Variants in RNF31 observed in about 807,000 individuals in gnomAD.
RNF31 encodes the protein E3 ubiquitin-protein ligase RNF31.
RNF31 carries 38 observed loss-of-function variants against 133.6 expected under a neutral mutation model. That is an observed-to-expected ratio of 0.28 (90% CI 0.22 to 0.37). RNF31 has a LOEUF of 0.37. RNF31 is among the 10% of genes least tolerant of loss of function. The probability of loss-of-function intolerance (pLI) is 1.00; values close to 1 mark genes in which losing one functional copy is unlikely to be tolerated. For missense variants in RNF31, 1,118 were observed against 1,394.1 expected, an observed-to-expected ratio of 0.80 and a Z score of 3.15; for synonymous variants, 582 against 552.3, an observed-to-expected ratio of 1.05 and a Z score of -0.75.
intron 16 of RNF31, 118 bp downstream of exon 16, chr14:24,157,756 C>T: frequency 1.8e-6 from 2 of 1,099,344 alleles, no homozygotes; most frequent in Non-Finnish European, 1.4e-6. Context: ...ATGTAAAGCA[C>T]AACTCTCTGT....
Position 24,151,027 on chromosome 14 carries a change from T to A in RNF31, c.1489-104T>A. 1.3e-6 allele frequency: 2 copies of A among 1,550,182 alleles called. No homozygotes were observed. Among genetic ancestry groups the A allele is most frequent in the African/African-American group, 1.4e-5 (1 of 73,890 alleles). On this transcript the variant is annotated intron_variant, in intron 8 of 20. Transcript: ENST00000324103. The surrounding 1 kb of genome is among the most constrained non-coding windows in gnomAD (Gnocchi z 5.3). ...TGAGGCAGTTACCATTGCTGTACAC[T>A]GATGACATGATCCATATGTCTGAGC... is the stretch of plus-strand genomic sequence containing the variant.
intron 5 of RNF31, 43 bp downstream of exon 5, chr14:24,148,919 T>C: frequency 6.6e-7 from 1 of 1,523,026 alleles, no homozygotes. Flanking sequence ...GAAGCTATAT[T>C]GATGGAAATT....
At position 24,157,695 on chromosome 14, in the gene RNF31, G is replaced by C; in HGVS notation, c.2727+57G>C. The C allele has an allele frequency of 2.0e-6, 3 of 1,467,004 alleles. No homozygotes were observed. The South Asian group carries it at 3.4e-5, about 17-fold the overall frequency. 90.9% of individuals were successfully genotyped at this position (1,467,004 alleles called of 1,614,324 possible). On this transcript the variant is annotated intron_variant, in intron 16 of 20. Coordinates refer to ENST00000324103, the MANE Select transcript of RNF31 (RefSeq NM_017999.5). ...GGGTGGGGGGTGCCATTGGCTTTGA[G>C]AGTCAGAGGCTATTGAGGAGTGGCC...
At chr14:24,156,244 G>A (rs757233060) in intron 14 of RNF31, among the ~76,000 whole-genome samples, 27 of 152,164 alleles carry the variant, frequency 1.8e-4, no homozygotes, top group Admixed American at 5.9e-4. Flanking sequence ...TGAAGCAGGC[G>A]TCCGTCTGCC....
chr14:24,147,900 G>C lies in RNF31; in HGVS notation c.192+10G>C. ...CAACGCTCATGGGGAGGTGAGGCCC[G>C]GCCCCGCTTGGAAGGGGGACACCAG... On this transcript the variant is annotated intron_variant, in intron 1 of 20. Transcript: ENST00000324103. 1.9e-6 allele frequency: 3 copies of C among 1,612,070 alleles called. No homozygotes were observed. Among genetic ancestry groups the C allele is most frequent in the Non-Finnish European group, 2.5e-6 (3 of 1,179,368 alleles).
At chr14:24,154,323 A>G (rs1175573068) in intron 11 of RNF31, among the ~76,000 whole-genome samples, 4 of 151,838 alleles carry the variant, frequency 2.6e-5, no homozygotes, top group Admixed American at 2.6e-4. Context: ...ACACTTGGCT[A>G]ATTTTGTATT....
rs766855824 is a variant in RNF31 at position 24,155,701 on chromosome 14, C to T, written c.2493+9C>T. On this transcript the variant is annotated intron_variant, in intron 14 of 20. Coordinates refer to ENST00000324103, the MANE Select transcript of RNF31 (RefSeq NM_017999.5). This position sits in a 1 kb window ranked among gnomAD's most constrained non-coding sequence, Gnocchi z 4.9. ...TGCGCTGCAAGCGCCAGGTGAGGCA[C>T]ATTCATCCTTTCAGAAATACTTGCT... 6.2e-7 allele frequency: 1 copy of T among 1,612,242 alleles called. No homozygotes were observed.
Position 24,150,262 on chromosome 14 carries a change from G to A in RNF31, c.1011G>A (p.Glu337=). 2 of 1,614,206 alleles carry A rather than the reference G, an allele frequency of 1.2e-6. No homozygotes were observed. The highest frequency in any genetic ancestry group is 1.7e-6 in the Non-Finnish European group (2 of 1,180,036). The change falls in exon 7 of 21, where the codon GAG becomes GAA. Residue 337 remains glutamate (E), a synonymous_variant. Coordinates refer to ENST00000324103, the MANE Select transcript of RNF31 (RefSeq NM_017999.5). ...RGCKGLGLGT[E]GPQGTGGLEP... is the part of the protein sequence containing the mutation. ...GTAAGGGGTTGGGGTTGGGAACTGA[G>A]GGTCCCCAAGGAACTGGAGGCCTAG...
At position 24,160,009 on chromosome 14, in the gene RNF31, G is replaced by T; in HGVS notation, c.2996+49G>T. ...ATGGTGTTGGGCAGTGGGTAGAAGTGGTGAGGGCATGCCCAGGCAGTAAAA... is the reference window on the plus strand; with the variant it reads ...ATGGTGTTGGGCAGTGGGTAGAAGTTGTGAGGGCATGCCCAGGCAGTAAAA... On this transcript the variant is annotated intron_variant, in intron 19 of 20. Coordinates refer to ENST00000324103, the MANE Select transcript of RNF31 (RefSeq NM_017999.5). The surrounding 1 kb of genome is among the most constrained non-coding windows in gnomAD (Gnocchi z 4.0). 6.4e-7 allele frequency: 1 copy of T among 1,559,144 alleles called. No homozygotes were observed.
In RNF31 at chr14:24,151,078, A is replaced by C; in HGVS notation, c.1489-53A>C. Reference sequence around the variant, plus strand: ...TGAGCCACTGTCACCATCTTAGTTCAGGCTGAGGGTGGGTGAAGGGTGCCC... The same window carrying C: ...TGAGCCACTGTCACCATCTTAGTTCCGGCTGAGGGTGGGTGAAGGGTGCCC... On this transcript the variant is annotated intron_variant, in intron 8 of 20. Transcript: ENST00000324103. This position sits in a 1 kb window ranked among gnomAD's most constrained non-coding sequence, Gnocchi z 5.3. The C allele has an allele frequency of 6.2e-7, 1 of 1,602,866 alleles. No homozygotes were observed. The highest frequency in any genetic ancestry group is 1.1e-5 in the South Asian group (1 of 90,162).
In RNF31 at chr14:24,148,763, C is replaced by G. The variant is rs116462357; in HGVS notation, c.556-38C>G. ...AACAGGAATTGTGAGACTCTGTGTC[C>G]CTAAACCCTTATTCATTCCCTGCCC... On this transcript the variant is annotated intron_variant, in intron 4 of 20. Transcript: ENST00000324103. 1.1e-3 allele frequency: 1,770 copies of G among 1,613,420 alleles called. 15 individuals carry two copies. In the African/African-American group the frequency reaches 0.02, roughly 18 times the overall value.
intron 14 of RNF31, among the ~76,000 whole-genome samples, chr14:24,156,828 C>T (rs1021246852): frequency 2.6e-5 from 4 of 151,952 alleles, no homozygotes; most frequent in Admixed American, 6.6e-5. Context: ...ATTTCATCTG[C>T]ATCATGTCTG....
At chr14:24,158,698 C>G (rs962432804) in intron 18 of RNF31, 1 of 153,800 alleles carries the variant, frequency 6.5e-6, no homozygotes, top group Admixed American at 6.5e-5. Flanking sequence ...GAGAGATTGG[C>G]TGGGAATTCC....
rs74398461 is a variant in RNF31 at position 24,152,009 on chromosome 14, G to C, written c.2130+17G>C. ...CACAACCGGGTAAGTCCCTCCCCAC[G>C]ATACCTGGTCCAAGAATTACTCTAT... On this transcript the variant is annotated intron_variant, in intron 11 of 20. Transcript: ENST00000324103. The C allele has an allele frequency of 3.7e-6, 6 of 1,610,732 alleles. No individual in the cohort carries two copies. The highest frequency in any genetic ancestry group is 3.3e-5 in the South Asian group (3 of 90,968).
At position 24,148,368 on chromosome 14, in the gene RNF31, A is replaced by G. The variant is rs1458625466; in HGVS notation, c.450A>G (p.Thr150=). Residue 150 remains threonine, a synonymous_variant, in exon 3 of 21, where the codon ACA becomes ACG. Coordinates refer to ENST00000324103, the MANE Select transcript of RNF31 (RefSeq NM_017999.5). ...EPDEHQVATV[T]LEVLLLRTEL... is the part of the protein sequence containing the mutation. ...ATGAGCACCAGGTTGCTACAGTCAC[A>G]CTGGAAGTACTGCTGCTTCGGACAG... 2 of 1,614,182 alleles carry G rather than the reference A, an allele frequency of 1.2e-6. No homozygotes were observed. The highest frequency in any genetic ancestry group is 1.7e-5 in the Admixed American group (1 of 60,016).
In RNF31 at chr14:24,151,147, G is replaced by A. The variant is rs1170679279; in HGVS notation, c.1505G>A (p.Gly502Asp). 2 of 1,614,024 alleles carry A rather than the reference G, an allele frequency of 1.2e-6. No homozygotes were observed. Among genetic ancestry groups the A allele is most frequent in the Non-Finnish European group, 1.7e-6 (2 of 1,179,986 alleles). ...VSMIREGEAA[G>D]ACPEEIFSAL... is the part of the protein sequence containing the mutation. The stretch of plus-strand genomic sequence containing the variant: ...GTGCCTTAGGAAGGGGAAGCCGCAG[G>A]TGCCTGTCCAGAGGAGATCTTCTCG... The change falls in exon 9 of 21, where the codon GGT becomes GAT. Residue 502 changes from glycine to aspartate, a missense_variant. Gly to Asp is a moderately conservative substitution (Grantham distance 94). Coordinates refer to ENST00000324103, the MANE Select transcript of RNF31 (RefSeq NM_017999.5). The surrounding 1 kb of genome is among the most constrained non-coding windows in gnomAD (Gnocchi z 5.3).
At chr14:24,158,087 C>T in intron 17 of RNF31, 55 bp from the exon 18 acceptor site, 1 of 1,611,346 alleles carries the variant, frequency 6.2e-7, no homozygotes, top group Admixed American at 1.7e-5. Context: ...CTAGGAATTG[C>T]AACAGGGACT....
chr14:24,154,679 A>G (rs894857691), intron 11 of RNF31, among the ~76,000 whole-genome samples: 15 of 152,300 alleles, frequency 9.8e-5, no homozygotes, highest in Non-Finnish European at 1.8e-4. Context: ...CATTTTTCTC[A>G]TGGATATGCC....
rs1444759491 is a variant in RNF31, at chr14:24,150,381, G to A, written c.1130G>A (p.Arg377Gln). 5 of 1,613,482 alleles carry A rather than the reference G, an allele frequency of 3.1e-6. No individual in the cohort carries two copies. Among genetic ancestry groups the A allele is most frequent in the South Asian group, 1.1e-5 (1 of 91,058 alleles). The change falls in exon 7 of 21, where the codon CGG becomes CAG. Residue 377 changes from arginine (R) to glutamine (Q), a missense_variant. Transcript: ENST00000324103. The stretch of plus-strand genomic sequence containing the variant: ...CTATGTTCCATATGTGAGCGACCTC[G>A]GCTGGCCCAGCCTCCCAGCTTGGTG... ...AVLCSICERP[R>Q]LAQPPSLVVD...
Sources: gnomAD v4.1 joint callset for allele counts (sites outside exome capture counted in the v4.1 genomes callset) on GRCh38, gnomAD v4.1.1 for gene constraint, Gnocchi (gnomAD v3.1) non-coding constraint, MANE v1.5 for transcripts, NCBI Gene and HGNC (gene_info 2026-07-23, HGNC 2026-07-21) for gene names.